The following SLC36A1 variants were observed in gnomAD, a reference collection of about 807,000 sequenced individuals.
The protein encoded by SLC36A1 is proton-coupled amino acid transporter 1.
Under a neutral mutation model 47.5 loss-of-function variants are expected in SLC36A1, and 30 were observed. The ratio of observed to expected loss-of-function variants is 0.63; its 90% CI spans 0.47 to 0.86. The LOEUF is 0.86. SLC36A1 is among the 40% of genes least tolerant of loss of function. SLC36A1 has a pLI of 0.00. For synonymous variants in SLC36A1, 255 were observed against 249.7 expected, an observed-to-expected ratio of 1.02 and a Z score of -0.20; for missense variants, 517 against 606.0, an observed-to-expected ratio of 0.85 and a Z score of 1.54.
At chr5:151,379,791 T>A in the SLC36A1 span, among the ~76,000 whole-genome samples, 1 of 152,216 alleles carries the variant, frequency 6.6e-6, no homozygotes, top group African/African-American at 2.4e-5. Context: ...ACTACAGTTT[T>A]AAAATCTAAT....
At chr5:151,348,658 C>T in the SLC36A1 span, among the ~76,000 whole-genome samples, 1 of 152,230 alleles carries the variant, frequency 6.6e-6, no homozygotes, top group African/African-American at 2.4e-5. Context: ...CCACTACTTT[C>T]CCCTTCTCCA....
At chr5:151,538,850 T>TTC in the SLC36A1 span, among the ~76,000 whole-genome samples, 1 of 151,748 alleles carries the variant, frequency 6.6e-6, no homozygotes, top group Admixed American at 6.6e-5. Flanking sequence ...CTAATTTTTT[T>TTC]TTTTTTTGTA....
the SLC36A1 span, chr5:151,380,598 GT>G: frequency 1.8e-6 from 1 of 549,494 alleles, no homozygotes; most frequent in Non-Finnish European, 3.7e-6. Context: ...TCAGTTCCCT[GT>G]CCACTGAAGA....
At chr5:151,507,256 G>T in the SLC36A1 span, 1 of 1,614,172 alleles carries the variant, frequency 6.2e-7, no homozygotes, top group South Asian at 1.1e-5. Context: ...CAGACCACTG[G>T]CCGTTGCTTA....
At chr5:151,487,502 G>T (rs77034577) in intron 10 of SLC36A1, among the ~76,000 whole-genome samples, 9,035 of 152,230 alleles carry the variant, frequency 0.059, 820 homozygotes, top group African/African-American at 0.2. Context: ...GTTTTATCAC[G>T]GTGTCTTTCC....
chr5:151,467,074 T>C, intron 5 of SLC36A1, 125 bp from the exon 6 acceptor site: 1 of 713,118 alleles, frequency 1.4e-6, no homozygotes, highest in Non-Finnish European at 2.4e-6. Context: ...AGTATATCCA[T>C]TTAACAAAAC....
the SLC36A1 span, among the ~76,000 whole-genome samples, chr5:151,360,953 A>G: frequency 6.6e-6 from 1 of 152,148 alleles, no homozygotes; most frequent in Non-Finnish European, 1.5e-5. Context: ...TTTTTGTCAC[A>G]TCCACAATCT....
chr5:151,528,446 G>A, the SLC36A1 span, among the ~76,000 whole-genome samples: 1 of 152,136 alleles, frequency 6.6e-6, no homozygotes, highest in East Asian at 1.9e-4. Flanking sequence ...ATTCTAATTT[G>A]GAGTAAAGTA....
the SLC36A1 span, chr5:151,545,777 G>A: frequency 1.9e-6 from 3 of 1,614,020 alleles, no homozygotes; most frequent in East Asian, 4.5e-5. Flanking sequence ...ATCACAAAGG[G>A]GTTGTTGTTT....
At chr5:151,464,400 A>C in intron 3 of SLC36A1, 114 bp from the exon 4 acceptor site, 1 of 854,478 alleles carries the variant, frequency 1.2e-6, no homozygotes, top group South Asian at 1.5e-5. Context: ...AAGTTTTGTC[A>C]CTGAAAACTG....
chr5:151,553,057 A>G, the SLC36A1 span: 1 of 957,528 alleles, frequency 1.0e-6, no homozygotes, highest in South Asian at 1.5e-5. Flanking sequence ...CCGGGCTGAA[A>G]GAGGGGCTGC....
chr5:151,555,554 C>T, the SLC36A1 span, among the ~76,000 whole-genome samples: 1 of 151,690 alleles, frequency 6.6e-6, no homozygotes, highest in Non-Finnish European at 1.5e-5. Flanking sequence ...ATTTTTAGTA[C>T]AGATGGGGTT....
chr5:151,534,980 T>TAC, the SLC36A1 span, among the ~76,000 whole-genome samples: 1 of 139,918 alleles, frequency 7.1e-6, no homozygotes, highest in Non-Finnish European at 1.6e-5. Context: ...AATATATATA[T>TAC]ATATATATAT....
the SLC36A1 span, among the ~76,000 whole-genome samples, chr5:151,348,622 C>T: frequency 6.6e-6 from 1 of 152,182 alleles, no homozygotes; most frequent in African/African-American, 2.4e-5. Context: ...TTTTGTATTG[C>T]TTTTTTCTTA....
At chr5:151,347,199 C>G in the SLC36A1 span, 1 of 1,449,086 alleles carries the variant, frequency 6.9e-7, no homozygotes, top group South Asian at 1.1e-5. Flanking sequence ...CTCATCTGCA[C>G]AGTGGGTTGA....
chr5:151,406,818 G>T, the SLC36A1 span, among the ~76,000 whole-genome samples: 1 of 152,268 alleles, frequency 6.6e-6, no homozygotes, highest in East Asian at 1.9e-4. Context: ...GTTCCTTCTG[G>T]TGGGTTCTTG....
At position 151,453,468 on chromosome 5, in the gene SLC36A1, T is replaced by C. The variant is rs558208245; in HGVS notation, c.-5-5320T>C. On this transcript the variant is annotated intron_variant, in intron 1 of 10. Coordinates refer to ENST00000243389, the MANE Select transcript of SLC36A1 (RefSeq NM_078483.4). ...AAGTGTATTTCAAGTGTAAGATAGC[T>C]ATTTATGGCTAGTGGTTACTGTACT... Among the ~76,000 whole-genome samples, 16 of 152,220 alleles carry C rather than the reference T, an allele frequency of 1.1e-4. No homozygotes were observed. The East Asian group carries it at 3.1e-3, about 29-fold the overall frequency.
downstream of SLC36A1, among the ~76,000 whole-genome samples, chr5:151,496,944 T>C (rs1356782042): frequency 6.6e-6 from 1 of 152,236 alleles, no homozygotes; most frequent in Non-Finnish European, 1.5e-5. Context: ...TATAGAAATA[T>C]AACTGATTTG....
chr5:151,356,481 T>TGTC, the SLC36A1 span, among the ~76,000 whole-genome samples: 3 of 152,122 alleles, frequency 2.0e-5, no homozygotes, highest in South Asian at 6.2e-4. Context: ...GGAGAGGGGC[T>TGTC]GTCATCTTTG....
Sources: gnomAD v4.1 joint callset for allele counts (sites outside exome capture counted in the v4.1 genomes callset) on GRCh38, gnomAD v4.1.1 for gene constraint, MANE v1.5 for transcripts, NCBI Gene and HGNC (gene_info 2026-07-23, HGNC 2026-07-21) for gene names.